The following CACNA1B variants were observed in gnomAD, a reference collection of about 807,000 sequenced individuals.
The protein encoded by CACNA1B is voltage-dependent N-type calcium channel subunit alpha-1B.
Under a neutral mutation model 247.2 loss-of-function variants are expected in CACNA1B, and 70 were observed. The observed-to-expected ratio is 0.28, with a 90% CI of 0.23 to 0.35. The LOEUF (loss-of-function observed/expected upper bound fraction) is 0.35, where lower values mean the gene tolerates loss of function less well. Ranked by LOEUF, CACNA1B falls within the 10% of genes least tolerant of loss-of-function variation. The probability of loss-of-function intolerance (pLI) is 1.00; values close to 1 mark genes in which losing one functional copy is unlikely to be tolerated. For synonymous variants in CACNA1B, 1,231 were observed against 1,294.4 expected (o/e 0.95, Z 1.05); for missense variants, 2,367 against 3,197.4 (o/e 0.74, Z 6.26).
At position 138,058,762 on chromosome 9, in the gene CACNA1B, C is replaced by G; in HGVS notation, c.4473+29C>G. On this transcript the variant is annotated intron_variant, in intron 29 of 46. Coordinates refer to ENST00000371372, the MANE Select transcript of CACNA1B (RefSeq NM_000718.4). This position sits in a 1 kb window ranked among gnomAD's most constrained non-coding sequence, Gnocchi z 4.7. ...TGTGGGGCTCAGCGCAGAGGGGCAG[C>G]TGGCGCTGCTAGGGATTGGGATCTA... The G allele has an allele frequency of 6.4e-7, 1 of 1,571,118 alleles. No homozygotes were observed. The highest frequency in any genetic ancestry group is 8.7e-7 in the Non-Finnish European group (1 of 1,155,860).
In CACNA1B at chr9:137,927,927, G is replaced by A. The variant is rs112510682; in HGVS notation, c.966+10496G>A. On this transcript the variant is annotated intron_variant, in intron 6 of 46. Coordinates refer to ENST00000371372, the MANE Select transcript of CACNA1B (RefSeq NM_000718.4). ...TTCTTCTTTAGTCTGTTAATATGGTGAATTACATTGATTTTTGAATATTGA... is the reference window on the plus strand; with the variant it reads ...TTCTTCTTTAGTCTGTTAATATGGTAAATTACATTGATTTTTGAATATTGA... Among the ~76,000 whole-genome samples, 1,226 of 152,226 alleles carry A rather than the reference G, an allele frequency of 8.1e-3. 7 individuals carry two copies. Among genetic ancestry groups the A allele is most frequent in the South Asian group, 0.012 (60 of 4,822 alleles).
intron 36 of CACNA1B, among the ~76,000 whole-genome samples, chr9:138,090,919 T>A (rs1025494450): frequency 3.3e-5 from 5 of 151,348 alleles, no homozygotes; most frequent in Non-Finnish European, 7.4e-5. Context: ...ACAAAAAAAA[T>A]AACAAATACT....
At chr9:137,967,458 C>G (rs1454461689) in intron 10 of CACNA1B, among the ~76,000 whole-genome samples, 1 of 152,234 alleles carries the variant, frequency 6.6e-6, no homozygotes, top group Non-Finnish European at 1.5e-5. Context: ...GGCCCGCTCT[C>G]AGAGCCCTAA....
intron 3 of CACNA1B, among the ~76,000 whole-genome samples, chr9:137,893,106 G>A (rs13296734): frequency 0.086 from 13,161 of 152,214 alleles, 676 homozygotes; most frequent in Admixed American, 0.13. Context: ...TTTACTCCAC[G>A]GACTTGCCAG....
chr9:137,965,536 G>A (rs1589037218), intron 10 of CACNA1B, among the ~76,000 whole-genome samples: 1 of 152,280 alleles, frequency 6.6e-6, no homozygotes, highest in East Asian at 1.9e-4. Flanking sequence ...TAAAAACTTA[G>A]CTGAGCATGG....
chr9:138,108,652 A>ATT (rs532418637), intron 39 of CACNA1B, among the ~76,000 whole-genome samples: 2 of 146,230 alleles, frequency 1.4e-5, no homozygotes, highest in East Asian at 2.0e-4. Flanking sequence ...AGCAAACTGA[A>ATT]TTTTTTTTTT....
In CACNA1B at chr9:137,990,956, G is replaced by A. The variant is rs1472107832; in HGVS notation, c.1974+4102G>A. Among the ~76,000 whole-genome samples the A allele has an allele frequency of 6.6e-6, 1 of 152,204 alleles. No homozygotes were observed. The highest frequency in any genetic ancestry group is 2.4e-5 in the African/African-American group (1 of 41,450). On this transcript the variant is annotated intron_variant, in intron 15 of 46. Coordinates refer to ENST00000371372, the MANE Select transcript of CACNA1B (RefSeq NM_000718.4). This position sits in a 1 kb window ranked among gnomAD's most constrained non-coding sequence, Gnocchi z 4.5. ...AAGATAAGAGAACAGCAGCCCTTGA[G>A]TCGCAGATCTTCCCTCTGGTTCCAA...
intron 10 of CACNA1B, among the ~76,000 whole-genome samples, chr9:137,958,030 G>T (rs548791802): frequency 6.6e-6 from 1 of 152,122 alleles, no homozygotes; most frequent in Non-Finnish European, 1.5e-5. Flanking sequence ...GAGCTGTGTC[G>T]GTTCCCTTCC....
At chr9:137,995,484 T>C (rs1958487831) in intron 15 of CACNA1B, among the ~76,000 whole-genome samples, 1 of 152,116 alleles carries the variant, frequency 6.6e-6, no homozygotes, top group Non-Finnish European at 1.5e-5. Flanking sequence ...AAGCCACAGG[T>C]AGGAGAATGA....
chr9:138,046,856 G>A (rs747182600), intron 21 of CACNA1B, 48 bp from the exon 22 acceptor site: 1 of 1,584,874 alleles, frequency 6.3e-7, no homozygotes, highest in East Asian at 2.3e-5. Flanking sequence ...GCAAGGGGTG[G>A]CGCGCCCGGC....
Position 137,957,752 on chromosome 9 carries a change from T to G in CACNA1B, c.1333+65T>G. On this transcript the variant is annotated intron_variant, in intron 10 of 46. Coordinates refer to ENST00000371372, the MANE Select transcript of CACNA1B (RefSeq NM_000718.4). This position sits in a 1 kb window ranked among gnomAD's most constrained non-coding sequence, Gnocchi z 4.7. ...GCTGGACATGGAGTGCATGCTCCGC[T>G]TCCCCTGCTACCCAGCCACTGTTGG... 1 of 1,158,504 alleles carries G rather than the reference T, an allele frequency of 8.6e-7. No individual in the cohort carries two copies. Among genetic ancestry groups the G allele is most frequent in the South Asian group, 1.5e-5 (1 of 64,672 alleles). 71.8% of individuals were successfully genotyped at this position (1,158,504 alleles called of 1,614,324 possible).
At chr9:138,107,581 C>G (rs1320268008) in intron 39 of CACNA1B, among the ~76,000 whole-genome samples, 2 of 152,098 alleles carry the variant, frequency 1.3e-5, no homozygotes, top group African/African-American at 4.8e-5. Flanking sequence ...TACCCCATTG[C>G]CGCCTCCTCT....
chr9:137,998,333 G>A (rs1426643900), intron 15 of CACNA1B, among the ~76,000 whole-genome samples: 2 of 151,996 alleles, frequency 1.3e-5, no homozygotes. Flanking sequence ...AGTGTAGGCC[G>A]GGCACGGTGG....
chr9:137,996,210 C>T (rs1004906522), intron 15 of CACNA1B, among the ~76,000 whole-genome samples: 7 of 152,212 alleles, frequency 4.6e-5, no homozygotes, highest in African/African-American at 1.7e-4. Flanking sequence ...CTTGCACATG[C>T]ATGTTTATAG....
chr9:137,923,774 TAGTTC>T (rs1957518512), intron 6 of CACNA1B, among the ~76,000 whole-genome samples: 1 of 152,212 alleles, frequency 6.6e-6, no homozygotes, highest in South Asian at 2.1e-4. Context: ...GGTGTGTGAA[TAGTTC>T]AGTTTTTGTG....
Position 138,058,770 on chromosome 9 carries a change from G to T in CACNA1B, c.4473+37G>T. On this transcript the variant is annotated intron_variant, in intron 29 of 46. Transcript: ENST00000371372. The surrounding 1 kb of genome is among the most constrained non-coding windows in gnomAD (Gnocchi z 4.7). Reference sequence around the variant, plus strand: ...TCAGCGCAGAGGGGCAGCTGGCGCTGCTAGGGATTGGGATCTAACCCTGAG... The same window carrying T: ...TCAGCGCAGAGGGGCAGCTGGCGCTTCTAGGGATTGGGATCTAACCCTGAG... 6.4e-7 allele frequency: 1 copy of T among 1,560,946 alleles called. No individual in the cohort carries two copies. The highest frequency in any genetic ancestry group is 2.4e-5 in the East Asian group (1 of 42,448).
chr9:138,024,175 G>A (rs1247789746), intron 19 of CACNA1B, among the ~76,000 whole-genome samples: 1 of 152,232 alleles, frequency 6.6e-6, no homozygotes, highest in Non-Finnish European at 1.5e-5. Flanking sequence ...GGGGATTGCA[G>A]TGGAGGAAGG....
intron 3 of CACNA1B, among the ~76,000 whole-genome samples, chr9:137,896,023 A>C (rs545173800): frequency 3.2e-4 from 49 of 152,262 alleles, no homozygotes; most frequent in African/African-American, 1.2e-3. Context: ...GCAGATCACG[A>C]GGTCAGGAGA....
chr9:137,878,367 G>C, intron 1 of CACNA1B, 150 bp downstream of exon 1: 1 of 665,960 alleles, frequency 1.5e-6, no homozygotes, highest in Non-Finnish European at 2.1e-6. Context: ...GGGCCCCTCG[G>C]AGCGGCGGGT....
Sources: gnomAD v4.1 joint callset for allele counts (sites outside exome capture counted in the v4.1 genomes callset) on GRCh38, gnomAD v4.1.1 for gene constraint, Gnocchi (gnomAD v3.1) non-coding constraint, MANE v1.5 for transcripts, NCBI Gene and HGNC (gene_info 2026-07-23, HGNC 2026-07-21) for gene names.